Variants in ADGRL2 observed in about 807,000 individuals in gnomAD.
The protein encoded by ADGRL2 is adhesion G protein-coupled receptor L2.
ADGRL2 carries 44 observed loss-of-function variants against 157.4 expected under a neutral mutation model. The observed-to-expected ratio is 0.28, with a 90% CI of 0.22 to 0.36. The LOEUF (loss-of-function observed/expected upper bound fraction) is 0.36, where lower values mean the gene tolerates loss of function less well. Ranked by LOEUF, ADGRL2 falls within the 10% of genes least tolerant of loss-of-function variation. The probability of loss-of-function intolerance (pLI) is 1.00; values close to 1 mark genes in which losing one functional copy is unlikely to be tolerated. For missense variants in ADGRL2, 1,510 were observed against 1,768.9 expected (o/e 0.85, Z 2.63); for synonymous variants, 585 against 624.7 (o/e 0.94, Z 0.95).
chr1:81,414,268 C>T (rs1447668671), intron 1 of ADGRL2: 6 of 152,182 alleles, frequency 3.9e-5, no homozygotes, highest in Admixed American at 3.9e-4. Context: ...ACTGGATGCT[C>T]TACATAGCAC....
At chr1:81,693,284 C>T (rs547236422) in intron 3 of ADGRL2, among the ~76,000 whole-genome samples, 10 of 152,312 alleles carry the variant, frequency 6.6e-5, no homozygotes, top group Admixed American at 2.0e-4. Flanking sequence ...AACCTGAGTC[C>T]TAGTGCTCCA....
chr1:81,306,877 A>ATTTT (rs56040898), intron 1 of ADGRL2, among the ~76,000 whole-genome samples: 72 of 151,272 alleles, frequency 4.8e-4, no homozygotes, highest in Middle Eastern at 3.5e-3. Context: ...ACCGTAACAA[A>ATTTT]TTTTTTTTTT....
At chr1:81,388,179 A>G (rs1012977113) in intron 1 of ADGRL2, among the ~76,000 whole-genome samples, 1 of 152,080 alleles carries the variant, frequency 6.6e-6, no homozygotes, top group African/African-American at 2.4e-5. Flanking sequence ...AATATCCAAA[A>G]ACTGTAGACC....
At chr1:81,546,009 G>A (rs7539626) in intron 2 of ADGRL2, among the ~76,000 whole-genome samples, 118 of 152,254 alleles carry the variant, frequency 7.8e-4, no homozygotes, top group Non-Finnish European at 1.3e-3. Flanking sequence ...CACTGGGTGC[G>A]GGGGGAAGGG....
At chr1:81,915,126 A>G (rs2094825074) in intron 3 of ADGRL2, among the ~76,000 whole-genome samples, 1 of 152,126 alleles carries the variant, frequency 6.6e-6, no homozygotes, top group Admixed American at 6.6e-5. Context: ...ACAGGGTCTT[A>G]CAGCTGGAGT....
chr1:81,379,947 C>T (rs1199640429), intron 1 of ADGRL2, among the ~76,000 whole-genome samples: 1 of 152,198 alleles, frequency 6.6e-6, no homozygotes, highest in Non-Finnish European at 1.5e-5. Context: ...ACCACGCCCT[C>T]CTCTACTCAA....
intron 1 of ADGRL2, among the ~76,000 whole-genome samples, chr1:81,816,113 C>T (rs1406881860): frequency 6.6e-6 from 1 of 151,726 alleles, no homozygotes; most frequent in Non-Finnish European, 1.5e-5. Context: ...CACTAATGGC[C>T]TCATTCTCCT....
At chr1:81,687,569 G>A (rs573994700) in intron 3 of ADGRL2, among the ~76,000 whole-genome samples, 7 of 152,194 alleles carry the variant, frequency 4.6e-5, no homozygotes, top group African/African-American at 1.4e-4. Context: ...GGCATCAGAT[G>A]GTTGGTGATT....
At chr1:81,508,435 CA>C (rs2079017988) in intron 2 of ADGRL2, among the ~76,000 whole-genome samples, 1 of 152,200 alleles carries the variant, frequency 6.6e-6, no homozygotes, top group South Asian at 2.1e-4. Context: ...ACCTGCCAGT[CA>C]TTATGGGTTC....
chr1:81,375,469 A>T lies in ADGRL2; in HGVS notation c.-302+68960A>T, dbSNP rs542192673. On this transcript the variant is annotated intron_variant, in intron 1 of 24. Transcript: ENST00000370721. ...AATAAGAAGAGGGATTTTATCAATTAAGAAGCTATGAATGAACTAACTGTA... is the reference window on the plus strand; with the variant it reads ...AATAAGAAGAGGGATTTTATCAATTTAGAAGCTATGAATGAACTAACTGTA... 5.8e-4 allele frequency among the ~76,000 whole-genome samples: 88 copies of T among 152,362 alleles called. 1 individual carries two copies. Among genetic ancestry groups the T allele is most frequent in the African/African-American group, 2.1e-3 (86 of 41,582 alleles).
At chr1:81,682,589 T>G (rs1030176066) in intron 3 of ADGRL2, among the ~76,000 whole-genome samples, 2 of 152,166 alleles carry the variant, frequency 1.3e-5, no homozygotes, top group African/African-American at 2.4e-5. Context: ...GCATGAAAAT[T>G]CCATTACCTC....
chr1:81,895,442 A>C (rs1462154150), intron 2 of ADGRL2, among the ~76,000 whole-genome samples: 1 of 119,986 alleles, frequency 8.3e-6, no homozygotes, highest in Non-Finnish European at 1.6e-5. Flanking sequence ...CTTGTTGCCC[A>C]GGCTGGAGTG....
intron 3 of ADGRL2, among the ~76,000 whole-genome samples, chr1:81,914,019 C>T (rs192097269): frequency 6.6e-6 from 1 of 151,822 alleles, no homozygotes; most frequent in Admixed American, 6.6e-5. Context: ...CACACACACC[C>T]CTTTACTATG....
intron 1 of ADGRL2, among the ~76,000 whole-genome samples, chr1:81,709,008 C>A (rs769748601): frequency 1.3e-5 from 2 of 152,060 alleles, no homozygotes; most frequent in East Asian, 3.9e-4. Context: ...CACCATATAA[C>A]TATAGAATCA....
chr1:81,429,238 G>A (rs72939097), intron 1 of ADGRL2, among the ~76,000 whole-genome samples: 1,526 of 151,722 alleles, frequency 0.01, 25 homozygotes, highest in African/African-American at 0.035. Flanking sequence ...ATTATGAGAG[G>A]TAACAGTTCA....
At chr1:81,403,618 T>C (rs2076801231) in intron 1 of ADGRL2, among the ~76,000 whole-genome samples, 1 of 152,120 alleles carries the variant, frequency 6.6e-6, no homozygotes, top group Non-Finnish European at 1.5e-5. Context: ...TCAAAAGTGG[T>C]GTTATAATCA....
intron 2 of ADGRL2, among the ~76,000 whole-genome samples, chr1:81,493,669 C>T (rs9425230): frequency 0.15 from 22,049 of 152,042 alleles, 2,949 homozygotes; most frequent in African/African-American, 0.36. Context: ...TGTCACTCAG[C>T]CTGTAATAAG....
chr1:81,537,537 C>A (rs764725271), intron 2 of ADGRL2, among the ~76,000 whole-genome samples: 13 of 152,096 alleles, frequency 8.5e-5, no homozygotes, highest in Non-Finnish European at 1.9e-4. Context: ...CCTCCTTCCT[C>A]GGCCTCCCAA....
intron 1 of ADGRL2, among the ~76,000 whole-genome samples, chr1:81,404,311 GT>G (rs939192988): frequency 3.3e-5 from 5 of 152,286 alleles, no homozygotes; most frequent in Admixed American, 1.3e-4. Flanking sequence ...GGTTTGTATC[GT>G]AGAAAGTTCC....
Sources: gnomAD v4.1 joint callset for allele counts (sites outside exome capture counted in the v4.1 genomes callset) on GRCh38, gnomAD v4.1.1 for gene constraint, MANE v1.5 for transcripts, NCBI Gene and HGNC (gene_info 2026-07-23, HGNC 2026-07-21) for gene names.